Variants in TCF20 observed in about 807,000 individuals in gnomAD.
TCF20 encodes the protein SPRE-binding protein.
A neutral mutation model predicts 148.6 loss-of-function variants in TCF20; 3 were observed. The observed-to-expected ratio is 0.02, with a 90% CI of 0.01 to 0.05. TCF20 has a LOEUF of 0.05. Among genes scored for constraint, TCF20 ranks in the 10% least tolerant of loss-of-function variants. The pLI is 1.00. For missense variants in TCF20, 2,350 were observed against 2,429.3 expected, an observed-to-expected ratio of 0.97 and a Z score of 0.69; for synonymous variants, 1,049 against 909.5, an observed-to-expected ratio of 1.15 and a Z score of -2.76.
chr22:42,179,532 AACG>A (rs1936666063), intron 3 of TCF20, 74 bp downstream of exon 3: 3 of 1,032,842 alleles, frequency 2.9e-6, no homozygotes, highest in Non-Finnish European at 4.2e-6. Flanking sequence ...GAAAAAAAAC[AACG>A]ACAACAGAGA....
intron 1 of TCF20, among the ~76,000 whole-genome samples, chr22:42,229,777 C>T (rs947447322): frequency 6.6e-6 from 1 of 152,190 alleles, no homozygotes. Context: ...TTCAGGAAAA[C>T]GGCTCAGCTT....
At chr22:42,308,177 GA>G (rs986253831) in intron 1 of TCF20, among the ~76,000 whole-genome samples, 1 of 152,158 alleles carries the variant, frequency 6.6e-6, no homozygotes, top group Non-Finnish European at 1.5e-5. Context: ...GGGGTGGGGA[GA>G]GGGGGCTATG....
At chr22:42,216,072 C>G (rs980752181) in intron 1 of TCF20, among the ~76,000 whole-genome samples, 7 of 89,900 alleles carry the variant, frequency 7.8e-5, no homozygotes, top group Admixed American at 2.4e-4. Context: ...GTAAGAAAAA[C>G]CAAATCCTTT....
At chr22:42,182,720 G>C (rs1406992041) in intron 2 of TCF20, among the ~76,000 whole-genome samples, 1 of 152,218 alleles carries the variant, frequency 6.6e-6, no homozygotes, top group East Asian at 1.9e-4. Context: ...TCAGGGACTT[G>C]TCAGAAATGC....
chr22:42,327,586 C>A (rs572449510), intron 1 of TCF20, among the ~76,000 whole-genome samples: 2 of 152,166 alleles, frequency 1.3e-5, no homozygotes, highest in African/African-American at 4.8e-5. Context: ...ACAATAAGTC[C>A]TCACATGCAG....
upstream of TCF20, among the ~76,000 whole-genome samples, chr22:42,287,773 T>C (rs577092919): frequency 7.2e-5 from 11 of 152,056 alleles, no homozygotes; most frequent in Non-Finnish European, 1.6e-4. Context: ...GGCCGTTACA[T>C]TGCTTGCATG....
chr22:42,163,548 C>T (rs950543755), intron 5 of TCF20, among the ~76,000 whole-genome samples: 4 of 152,236 alleles, frequency 2.6e-5, no homozygotes, highest in Non-Finnish European at 5.9e-5. Context: ...ATCACAGTAA[C>T]GTGGATCTGC....
Position 42,219,355 on chromosome 22 carries a change from C to CAAAAAAAAAA in TCF20, c.-36-4024_-36-4015dup, listed in dbSNP as rs528664836. ...ACCCTGGGTGACAGTAACCCTGTCT[C>CAAAAAAAAAA]AAAAAAAAAAAAAAAAAAAAAAAAA... On this transcript the variant is annotated intron_variant, in intron 1 of 5. Coordinates refer to ENST00000677622, the MANE Select transcript of TCF20 (RefSeq NM_001378418.1). 7.4e-3 allele frequency among the ~76,000 whole-genome samples: 324 copies of CAAAAAAAAAA among 43,530 alleles called. 39 individuals carry two copies. The highest frequency in any genetic ancestry group is 0.014 in the African/African-American group (143 of 10,160). 28.6% of individuals were successfully genotyped at this position (43,530 alleles called of 152,430 possible). A position where few individuals can be genotyped will look rare whatever the true frequency, so the allele number is the denominator to read the frequency against.
rs772880878 is a variant in TCF20 at position 42,210,763 on chromosome 22, CCTT to C, written c.4540_4542del (p.Lys1514del). On this transcript the variant is annotated inframe_deletion, in exon 2 of 6. Transcript: ENST00000677622. This position sits in a 1 kb window ranked among gnomAD's most constrained non-coding sequence, Gnocchi z 4.7. ...GGTGAAATCGTCACTGTATCGTTCT[CCTT>C]CTCTTCAGCCTTGGGGTTTGCCTCA... The C allele has an allele frequency of 3.8e-5, 62 of 1,614,202 alleles. No homozygotes were observed. The highest frequency in any genetic ancestry group is 5.2e-5 in the Non-Finnish European group (61 of 1,180,046).
At chr22:42,234,482 T>G (rs1569172143) in intron 1 of TCF20, among the ~76,000 whole-genome samples, 2 of 152,192 alleles carry the variant, frequency 1.3e-5, no homozygotes, top group Non-Finnish European at 2.9e-5. Flanking sequence ...GATTAATTCC[T>G]GTGAAATGAA....
At chr22:42,242,225 A>AAAAAAAAAAG (rs1924494235) in intron 1 of TCF20, among the ~76,000 whole-genome samples, 2 of 139,566 alleles carry the variant, frequency 1.4e-5, no homozygotes, top group African/African-American at 5.3e-5. Context: ...AAAAAAAAAA[A>AAAAAAAAAAG]AACAGAAAAG....
chr22:42,320,715 C>T (rs940880497), intron 1 of TCF20, among the ~76,000 whole-genome samples: 4 of 152,230 alleles, frequency 2.6e-5, no homozygotes, highest in Non-Finnish European at 4.4e-5. Flanking sequence ...ACAAAAGACA[C>T]GTGACCCACA....
chr22:42,230,169 C>G (rs538931596), intron 1 of TCF20, among the ~76,000 whole-genome samples: 2 of 152,286 alleles, frequency 1.3e-5, no homozygotes, highest in African/African-American at 4.8e-5. Context: ...AAAGTTGAAG[C>G]AACAGCAATA....
At chr22:42,274,081 G>GCT (rs1407359199), upstream of TCF20, 1 of 152,674 alleles carries the variant, frequency 6.5e-6, no homozygotes, top group Non-Finnish European at 1.5e-5. Context: ...CCAAGCTCCA[G>GCT]CTCTCCTTCC....
Position 42,212,457 on chromosome 22 carries a change from T to C in TCF20, c.2849A>G (p.His950Arg), listed in dbSNP as rs777896831. ...ATGCTTGATGCTAGGAGGATGGCAG[T>C]GGTCTCCAGATTTCTTGTTGTTGAA... Reference protein sequence around the residue: ...ASFNNKKSGDHCHPPSIKHES... With the variant: ...ASFNNKKSGDRCHPPSIKHES... The change falls in exon 2 of 6, where the codon CAC (histidine) becomes CGC (arginine). Residue 950 changes from histidine (H) to arginine (R), a missense_variant. His to Arg is a conservative substitution (Grantham distance 29). This residue lies in a region of TCF20 where 1,641 missense variants were observed against 1,662.6 expected (regional missense o/e 0.99). Coordinates refer to ENST00000677622, the MANE Select transcript of TCF20 (RefSeq NM_001378418.1). 1 of 1,614,246 alleles carries C rather than the reference T, an allele frequency of 6.2e-7. No homozygotes were observed. The highest frequency in any genetic ancestry group is 1.1e-5 in the South Asian group (1 of 91,086).
chr22:42,311,690 G>A (rs1180649288), intron 1 of TCF20, among the ~76,000 whole-genome samples: 1 of 152,162 alleles, frequency 6.6e-6, no homozygotes, highest in African/African-American at 2.4e-5. Flanking sequence ...CCTGCAAAAC[G>A]GGGATGAAAA....
chr22:42,331,825 G>T (rs922936840), intron 1 of TCF20, among the ~76,000 whole-genome samples: 2 of 152,266 alleles, frequency 1.3e-5, no homozygotes, highest in Non-Finnish European at 2.9e-5. Flanking sequence ...GCCAGGAAGG[G>T]AAGGTCTGGT....
At chr22:42,313,653 G>T (rs1444976647) in intron 1 of TCF20, among the ~76,000 whole-genome samples, 2 of 144,338 alleles carry the variant, frequency 1.4e-5, no homozygotes, top group Non-Finnish European at 3.0e-5. Flanking sequence ...CAGCTGGAGT[G>T]CAGGGGCACG....
intron 2 of TCF20, among the ~76,000 whole-genome samples, chr22:42,181,294 C>T (rs2147099138): frequency 6.6e-6 from 1 of 152,326 alleles, no homozygotes; most frequent in East Asian, 1.9e-4. Context: ...AGCCATTCTC[C>T]TGCCTCAGCC....
Sources: gnomAD v4.1 joint callset for allele counts (sites outside exome capture counted in the v4.1 genomes callset) on GRCh38, gnomAD v4.1.1 for gene constraint, gnomAD v4.1.1 regional missense constraint, Gnocchi (gnomAD v3.1) non-coding constraint, MANE v1.5 for transcripts, NCBI Gene and HGNC (gene_info 2026-07-23, HGNC 2026-07-21) for gene names.